CEP350: variants seen among roughly 807,000 people sequenced by gnomAD.
CEP350 encodes the protein centrosome-associated protein 350.
CEP350 carries 126 observed loss-of-function variants against 331.8 expected under a neutral mutation model. The observed-to-expected ratio is 0.38, with a 90% confidence interval of 0.33 to 0.44. CEP350 has a LOEUF of 0.44. CEP350 is among the 20% of genes least tolerant of loss of function. CEP350 has a pLI of 1.00. For synonymous variants in CEP350, 1,200 were observed against 1,259.5 expected (o/e 0.95, Z 1.00); for missense variants, 3,406 against 3,634.6 (o/e 0.94, Z 1.62).
chr1:179,999,692 C>A (rs556913884), intron 6 of CEP350, among the ~76,000 whole-genome samples: 2 of 152,196 alleles, frequency 1.3e-5, no homozygotes, highest in African/African-American at 4.8e-5. Context: ...CTTGTGTTAA[C>A]AATTTGTATA....
rs12142713 is a variant in CEP350 at position 180,057,080 on chromosome 1, C to G, written c.5262+2578C>G. 3.2e-3 allele frequency among the ~76,000 whole-genome samples: 479 copies of G among 150,680 alleles called. 1 individual carries two copies. Among genetic ancestry groups the G allele is most frequent in the Middle Eastern group, 0.01 (3 of 290 alleles). ...TTTGACTCTGTTGAAATTCTCTACC[C>G]TTTAATCTACTTTTCTTTCTTTTTT... On this transcript the variant is annotated intron_variant, in intron 25 of 37. Coordinates refer to ENST00000367607, the MANE Select transcript of CEP350 (RefSeq NM_014810.5).
At chr1:180,005,767 A>G (rs989866400) in intron 7 of CEP350, among the ~76,000 whole-genome samples, 16 of 151,986 alleles carry the variant, frequency 1.1e-4, no homozygotes, top group African/African-American at 3.9e-4. Context: ...TTTTCAGTCC[A>G]CTCACACTGA....
At chr1:180,089,380 C>T (rs576515742) in intron 32 of CEP350, among the ~76,000 whole-genome samples, 10 of 151,908 alleles carry the variant, frequency 6.6e-5, no homozygotes, top group Non-Finnish European at 1.0e-4. Context: ...GTCAGGAGTT[C>T]GAGACTAGCC....
chr1:179,975,064 C>T (rs1651759754), intron 1 of CEP350, among the ~76,000 whole-genome samples: 1 of 151,924 alleles, frequency 6.6e-6, no homozygotes, highest in South Asian at 2.1e-4. Flanking sequence ...AATTGAAGTA[C>T]TAATTTTATT....
At chr1:180,041,329 A>G in intron 18 of CEP350, 81 bp downstream of exon 18, 1 of 1,002,230 alleles carries the variant, frequency 1.0e-6, no homozygotes, top group Non-Finnish European at 1.5e-6. Context: ...TTTTAATTAT[A>G]TAGGAGAAAA....
In CEP350 at chr1:180,012,000, G is replaced by A; in HGVS notation, c.1318G>A (p.Ala440Thr). The stretch of plus-strand genomic sequence containing the variant: ...ATTAGTAAAGAAGATTCTGGGACCT[G>A]CTCCCAGAATGGAGCCAAAAGAGCA... The part of the protein sequence containing the change: ...QKLVKKILGP[A>T]PRMEPKEQRT... The change falls in exon 9 of 38, where the codon GCT (alanine) becomes ACT (threonine). Residue 440 changes from alanine (A) to threonine (T), a missense_variant. By Grantham distance (58) the Ala-to-Thr change is moderately conservative. This residue lies in a region of CEP350 where 1,857 missense variants were observed against 1,909.2 expected (regional missense o/e 0.97). Coordinates refer to ENST00000367607, the MANE Select transcript of CEP350 (RefSeq NM_014810.5). The A allele has an allele frequency of 5.0e-6, 8 of 1,590,134 alleles. No individual in the cohort carries two copies. The highest frequency in any genetic ancestry group is 6.9e-6 in the Non-Finnish European group (8 of 1,167,076).
At position 180,093,570 on chromosome 1, in the gene CEP350, C is replaced by G; in HGVS notation, c.7465C>G (p.Pro2489Ala). 1 of 1,613,848 alleles carries G rather than the reference C, an allele frequency of 6.2e-7. No homozygotes were observed. Among genetic ancestry groups the G allele is most frequent in the Non-Finnish European group, 8.5e-7 (1 of 1,179,802 alleles). The change falls in exon 34 of 38, where the codon CCT (proline) becomes GCT (alanine). Residue 2489 changes from proline to alanine, a missense_variant. Coordinates refer to ENST00000367607, the MANE Select transcript of CEP350 (RefSeq NM_014810.5). ...VTESPSLASVPTADELFDFHI... is the reference protein window; with the variant it reads ...VTESPSLASVATADELFDFHI... ...TGAATCCCCTTCCTTGGCTTCAGTT[C>G]CTACTGCAGACGAGTTATTTGATTT...
intron 14 of CEP350, among the ~76,000 whole-genome samples, chr1:180,026,556 A>G (rs1558110534): frequency 6.6e-6 from 1 of 152,172 alleles, no homozygotes; most frequent in Non-Finnish European, 1.5e-5. Context: ...AAGCATCACC[A>G]CTGTCCTTCT....
intron 29 of CEP350, among the ~76,000 whole-genome samples, chr1:180,079,234 T>TA (rs397766204): frequency 2.6e-5 from 4 of 151,402 alleles, no homozygotes; most frequent in African/African-American, 9.7e-5. Context: ...TTTTTTTTTT[T>TA]AATATAGCAA....
chr1:180,011,034 G>A (rs1427241337), intron 8 of CEP350, among the ~76,000 whole-genome samples: 1 of 150,402 alleles, frequency 6.6e-6, no homozygotes, highest in East Asian at 2.0e-4. Context: ...TGAGATGATT[G>A]CTTAATTTTT....
At chr1:180,003,784 C>T (rs546933225) in intron 7 of CEP350, among the ~76,000 whole-genome samples, 13 of 152,120 alleles carry the variant, frequency 8.5e-5, no homozygotes, top group East Asian at 7.7e-4. Flanking sequence ...TACTACCTAC[C>T]GAATAGTATG....
chr1:180,019,857 G>A (rs1003311687), intron 11 of CEP350, 92 bp from the exon 12 acceptor site: 1 of 1,116,120 alleles, frequency 9.0e-7, no homozygotes, highest in Admixed American at 2.7e-5. Flanking sequence ...TTTTGTTGCA[G>A]TGCATCCTCA....
chr1:179,955,632 G>A (rs1474736978), intron 1 of CEP350, among the ~76,000 whole-genome samples: 1 of 152,116 alleles, frequency 6.6e-6, no homozygotes, highest in Admixed American at 6.5e-5. Flanking sequence ...GATAATTTGG[G>A]GAAAGATTTA....
intron 1 of CEP350, 23 bp from the exon 2 acceptor site, chr1:179,986,146 G>T: frequency 1.3e-6 from 2 of 1,520,346 alleles, no homozygotes; most frequent in South Asian, 1.2e-5. Context: ...ATTGATGTTC[G>T]GTGAATACTG....
At chr1:180,055,545 T>TC (rs1216228124) in intron 25 of CEP350, among the ~76,000 whole-genome samples, 9 of 121,646 alleles carry the variant, frequency 7.4e-5, no homozygotes, top group African/African-American at 2.0e-4. Context: ...CTGAATTCCA[T>TC]CTTTTTTTTT....
intron 8 of CEP350, among the ~76,000 whole-genome samples, chr1:180,011,582 T>C (rs573480901): frequency 6.6e-6 from 1 of 152,100 alleles, no homozygotes; most frequent in Non-Finnish European, 1.5e-5. Flanking sequence ...GCTGGGATTA[T>C]AGGCACCCTC....
chr1:180,009,106 T>C (rs1654450051), intron 8 of CEP350, among the ~76,000 whole-genome samples: 2 of 152,244 alleles, frequency 1.3e-5, no homozygotes, highest in South Asian at 4.1e-4. Flanking sequence ...GCCTCCTGGA[T>C]TCAAGTGATT....
At chr1:180,032,985 A>G (rs1233005998) in intron 15 of CEP350, among the ~76,000 whole-genome samples, 2 of 151,820 alleles carry the variant, frequency 1.3e-5, no homozygotes, top group African/African-American at 4.8e-5. Context: ...GCCTACTTCT[A>G]TTCAACTATT....
Position 179,963,125 on chromosome 1 carries a change from C to T in CEP350, c.-14+7983C>T, listed in dbSNP as rs116002579. Among the ~76,000 whole-genome samples the T allele has an allele frequency of 4.1e-3, 627 of 151,910 alleles. 4 individuals carry two copies. Among genetic ancestry groups the T allele is most frequent in the African/African-American group, 0.014 (591 of 41,392 alleles). On this transcript the variant is annotated intron_variant, in intron 1 of 37. Coordinates refer to ENST00000367607, the MANE Select transcript of CEP350 (RefSeq NM_014810.5). ...TGTATGTCTTCTTTTGAGAAGTATC[C>T]GTTTATGTCCATTGCTCACTTTTTA...
Sources: gnomAD v4.1 joint callset for allele counts (sites outside exome capture counted in the v4.1 genomes callset) on GRCh38, gnomAD v4.1.1 for gene constraint, gnomAD v4.1.1 regional missense constraint, MANE v1.5 for transcripts, NCBI Gene and HGNC (gene_info 2026-07-23, HGNC 2026-07-21) for gene names.